Variants in FMR1 observed in about 807,000 individuals in gnomAD.
The protein encoded by FMR1 is fragile X messenger ribonucleoprotein 1, also known as FMRP translational regulator 1.
In FMR1, 13 loss-of-function variants were observed where a neutral mutation model predicts 50.6. That is an observed-to-expected ratio of 0.26 (90% CI 0.17 to 0.41). The LOEUF is 0.41. Among genes scored for constraint, FMR1 ranks in the 10% least tolerant of loss-of-function variants. FMR1 has a pLI of 1.00. For missense variants in FMR1, 316 were observed against 491.3 expected, an observed-to-expected ratio of 0.64 and a Z score of 3.37; for synonymous variants, 138 against 164.1, an observed-to-expected ratio of 0.84 and a Z score of 1.22.
chrX:147,920,547 A>C (rs1362495499), intron 1 of FMR1, among the ~76,000 whole-genome samples: 3 of 111,763 alleles, frequency 2.7e-5, no homozygotes, highest in Non-Finnish European at 5.6e-5. Context: ...AGGCTGGGAT[A>C]GGAACCTCTT....
intron 9 of FMR1, among the ~76,000 whole-genome samples, chrX:147,935,392 T>C (rs782292891): frequency 4.5e-5 from 5 of 112,356 alleles, no homozygotes; most frequent in African/African-American, 6.5e-5. Context: ...TGAGTTCTTA[T>C]CTAGCATTGG....
At position 147,911,931 on chromosome X, in the gene FMR1, C is replaced by G. The variant is rs1283464079; in HGVS notation, c.-249C>G. ...CCGGGGGTTCGGCCTCAGTCAGGCGCTCAGCTCCGTTTCGGTTTCACTTCC... is the reference window on the plus strand; with the variant it reads ...CCGGGGGTTCGGCCTCAGTCAGGCGGTCAGCTCCGTTTCGGTTTCACTTCC... On this transcript the variant is annotated 5_prime_UTR_variant, in exon 1 of 17. Coordinates refer to ENST00000370475, the MANE Select transcript of FMR1 (RefSeq NM_002024.6). The G allele has an allele frequency of 9.0e-6, 1 of 111,328 alleles. No homozygotes were observed. The highest frequency in any genetic ancestry group is 1.9e-5 in the Non-Finnish European group (1 of 52,583). The allele number at this position is 111,328 out of a possible 1,213,427, so 9.2% of individuals were successfully genotyped here. A position where few individuals can be genotyped will look rare whatever the true frequency, so the allele number is the denominator to read the frequency against.
intron 1 of FMR1, among the ~76,000 whole-genome samples, chrX:147,917,423 A>C (rs2124434702): frequency 8.9e-6 from 1 of 111,988 alleles, no homozygotes; most frequent in African/African-American, 3.2e-5. Flanking sequence ...GGGACCCCTT[A>C]ATGATTTATT....
At chrX:147,918,247 T>C (rs1411806684) in intron 1 of FMR1, among the ~76,000 whole-genome samples, 1 of 111,628 alleles carries the variant, frequency 9.0e-6, no homozygotes, top group Non-Finnish European at 1.9e-5. Context: ...GATGGAACCT[T>C]GTTGGAATTA....
chrX:147,933,888 A>C (rs1557179247), intron 9 of FMR1, among the ~76,000 whole-genome samples: 1 of 112,331 alleles, frequency 8.9e-6, no homozygotes, highest in African/African-American at 3.2e-5. Context: ...GAAATGATAA[A>C]TGTATCTCCC....
intron 5 of FMR1, among the ~76,000 whole-genome samples, chrX:147,929,356 A>G (rs1308400402): frequency 1.8e-5 from 2 of 111,515 alleles, no homozygotes; most frequent in African/African-American, 6.5e-5. Flanking sequence ...GTTGTTGAAC[A>G]TTAAATTGCA....
At chrX:147,932,364 C>T in intron 7 of FMR1, 61 bp from the exon 8 acceptor site, 1 of 1,070,255 alleles carries the variant, frequency 9.3e-7, no homozygotes, top group Non-Finnish European at 1.3e-6. Flanking sequence ...CATGGCTGGC[C>T]TAAATACAGT....
intron 1 of FMR1, among the ~76,000 whole-genome samples, chrX:147,916,916 T>G (rs2042899737): frequency 9.0e-6 from 1 of 111,647 alleles, no homozygotes; most frequent in African/African-American, 3.3e-5. Flanking sequence ...TTTTGCATTT[T>G]TAGTAGAGAT....
chrX:147,925,763 G>A (rs2043364308), intron 3 of FMR1, 130 bp downstream of exon 3: 2 of 508,799 alleles, frequency 3.9e-6, no homozygotes, highest in African/African-American at 4.7e-5. Flanking sequence ...ATGGACACGT[G>A]CTTTTGACTA....
intron 1 of FMR1, among the ~76,000 whole-genome samples, chrX:147,915,147 T>A (rs2042789076): frequency 8.9e-6 from 1 of 112,024 alleles, no homozygotes; most frequent in Non-Finnish European, 1.9e-5. Context: ...ATTATACTTT[T>A]TTAAGTTCAG....
At chrX:147,933,365 A>T in intron 9 of FMR1, 1 of 679,038 alleles carries the variant, frequency 1.5e-6, no homozygotes, top group Non-Finnish European at 2.1e-6. Context: ...TTCTTATGGG[A>T]CTATAAAATG....
chrX:147,945,711 A>T (rs1569546078), intron 16 of FMR1, 95 bp downstream of exon 16: 2 of 642,085 alleles, frequency 3.1e-6, no homozygotes, highest in African/African-American at 2.2e-5. Context: ...ATGTTCAAAG[A>T]TTACAAATCC....
chrX:147,928,886 T>A, intron 5 of FMR1, 79 bp downstream of exon 5: 1 of 1,004,746 alleles, frequency 1.0e-6, no homozygotes, highest in Non-Finnish European at 1.4e-6. Context: ...TAGTTTAAAA[T>A]TTTTTAAACT....
intron 9 of FMR1, among the ~76,000 whole-genome samples, chrX:147,934,915 T>C (rs2043737235): frequency 8.9e-6 from 1 of 111,744 alleles, no homozygotes; most frequent in Non-Finnish European, 1.9e-5. Context: ...CTCTCTTTGG[T>C]ATGTGCACTA....
chrX:147,926,741 G>A (rs1602980672), intron 3 of FMR1, among the ~76,000 whole-genome samples: 1 of 111,193 alleles, frequency 9.0e-6, no homozygotes, highest in South Asian at 3.8e-4. Flanking sequence ...ACTCGCCTCG[G>A]CCTCCCAAAG....
intron 1 of FMR1, among the ~76,000 whole-genome samples, chrX:147,919,999 A>G (rs1484340075): frequency 8.9e-6 from 1 of 112,409 alleles, no homozygotes; most frequent in Non-Finnish European, 1.9e-5. Context: ...ATATACCAGA[A>G]ACTATGCCAT....
chrX:147,945,615 A>C lies in FMR1; in HGVS notation c.1736A>C (p.Gln579Pro). 7.7e-6 allele frequency: 9 copies of C among 1,175,974 alleles called. No homozygotes were observed. The highest frequency in any genetic ancestry group is 9.3e-6 in the Non-Finnish European group (8 of 862,974). ...AKGRTTDGSL[Q>P]IRVDCNNERS... is the part of the protein sequence containing the mutation. ...GGAAGAACAACAGATGGATCCCTTCAGGTAAAACCTGTCTGCCTCTTTTCA... is the reference window on the plus strand; with the variant it reads ...GGAAGAACAACAGATGGATCCCTTCCGGTAAAACCTGTCTGCCTCTTTTCA... The change falls in exon 16 of 17, where the codon CAG (glutamine) becomes CCG (proline). Residue 579 changes from glutamine to proline, a missense_variant and splice_region_variant. Physicochemically the swap from Gln to Pro is moderately conservative, Grantham distance 76 (BLOSUM62 -1). Around this residue, in one of 4 missense-constraint regions of FMR1, gnomAD observed 124 missense variants for 160.8 expected, o/e 0.77. Coordinates refer to ENST00000370475, the MANE Select transcript of FMR1 (RefSeq NM_002024.6).
Position 147,921,956 on chromosome X carries a change from A to G in FMR1, c.75A>G (p.Glu25=). ...FYKAFVKDVH[E]DSITVAFENN... ...AGGCATTTGTAAAGGATGTTCATGA[A>G]GATTCAATAACAGTTGCATTTGAAA... The change falls in exon 2 of 17, where the codon GAA becomes GAG. Residue 25 remains glutamate, a synonymous_variant. Coordinates refer to ENST00000370475, the MANE Select transcript of FMR1 (RefSeq NM_002024.6). 1 of 1,148,349 alleles carries G rather than the reference A, an allele frequency of 8.7e-7. No individual in the cohort carries two copies. Among genetic ancestry groups the G allele is most frequent in the Non-Finnish European group, 1.2e-6 (1 of 838,294 alleles). The allele number at this position is 1,148,349 out of a possible 1,213,427, so 94.6% of individuals were successfully genotyped here.
At chrX:147,933,608 A>G in intron 9 of FMR1, 1 of 859,184 alleles carries the variant, frequency 1.2e-6, no homozygotes, top group Non-Finnish European at 1.4e-6. Flanking sequence ...TCTTTAGTAG[A>G]ACATATCAAA....
Sources: allele counts gnomAD v4.1 joint callset (sites outside exome capture counted in the v4.1 genomes callset), GRCh38; gene constraint gnomAD v4.1.1; regional missense constraint gnomAD v4.1.1; transcripts MANE v1.5; gene names NCBI Gene and HGNC (gene_info 2026-07-23, HGNC 2026-07-21).